The following IL22RA1 variants were observed in gnomAD, a reference collection of about 807,000 sequenced individuals.
IL22RA1 encodes the protein interleukin 22 receptor subunit alpha 1, also known as interleukin-22 receptor subunit alpha-1.
Under a neutral mutation model 32.8 loss-of-function variants are expected in IL22RA1, and 25 were observed. The ratio of observed to expected loss-of-function variants is 0.76; its 90% CI spans 0.55 to 1.06. The LOEUF (loss-of-function observed/expected upper bound fraction) is 1.06, where lower values mean the gene tolerates loss of function less well. Ranked by LOEUF, IL22RA1 falls within the 50% of genes least tolerant of loss-of-function variation. The pLI, the probability that IL22RA1 is intolerant of heterozygous loss-of-function variation, is 0.00. For missense variants in IL22RA1, 709 were observed against 727.4 expected (o/e 0.97, Z 0.29); for synonymous variants, 305 against 305.0 (o/e 1.00, Z 0.00).
chr1:24,138,634 C>T lies in IL22RA1; in HGVS notation c.124G>A (p.Asp42Asn). 1 of 1,614,128 alleles carries T rather than the reference C, an allele frequency of 6.2e-7. No homozygotes were observed. Among genetic ancestry groups the T allele is most frequent in the Non-Finnish European group, 8.5e-7 (1 of 1,180,006 alleles). The change falls in exon 2 of 7, where the codon GAC becomes AAC. Residue 42 changes from aspartate to asparagine, a missense_variant. Coordinates refer to ENST00000270800, the MANE Select transcript of IL22RA1 (RefSeq NM_021258.4). ...SSNFENILTWDSGPEGTPDTV... is the reference protein window; with the variant it reads ...SSNFENILTWNSGPEGTPDTV... ...TCTGGGGTGCCCTCCGGCCCGCTGT[C>T]CCACGTCAGGATGTTTTCAAAGTTG...
rs780847323 is a variant in IL22RA1, at chr1:24,138,605, C to G, written c.153G>C (p.Thr51=). The change falls in exon 2 of 7, where the codon ACG becomes ACC. Residue 51 remains threonine (T), a synonymous_variant. Coordinates refer to ENST00000270800, the MANE Select transcript of IL22RA1 (RefSeq NM_021258.4). The part of the protein sequence containing the change: ...WDSGPEGTPD[T]VYSIEYKTYG... ...ACGTCTTATACTCGATGCTGTAGAC[C>G]GTGTCTGGGGTGCCCTCCGGCCCGC... The G allele has an allele frequency of 6.2e-7, 1 of 1,613,962 alleles. No homozygotes were observed. The highest frequency in any genetic ancestry group is 1.3e-5 in the African/African-American group (1 of 74,886).
intron 4 of IL22RA1, among the ~76,000 whole-genome samples, chr1:24,133,930 TA>T (rs1415001314): frequency 1.3e-5 from 2 of 151,648 alleles, no homozygotes; most frequent in Admixed American, 1.3e-4. Context: ...TAAAAATAAA[TA>T]AATAAAAAAC....
At position 24,138,638 on chromosome 1, in the gene IL22RA1, C is replaced by G; in HGVS notation, c.120G>C (p.Thr40=). Residue 40 remains threonine, a synonymous_variant, in exon 2 of 7, where the codon ACG becomes ACC. Coordinates refer to ENST00000270800, the MANE Select transcript of IL22RA1 (RefSeq NM_021258.4). Reference sequence around the variant, plus strand: ...GGGTGCCCTCCGGCCCGCTGTCCCACGTCAGGATGTTTTCAAAGTTGCTGG... The same window carrying G: ...GGGTGCCCTCCGGCCCGCTGTCCCAGGTCAGGATGTTTTCAAAGTTGCTGG... ...FQSSNFENIL[T]WDSGPEGTPD... is the part of the protein sequence containing the mutation. 2 of 1,614,144 alleles carry G rather than the reference C, an allele frequency of 1.2e-6. No individual in the cohort carries two copies. Among genetic ancestry groups the G allele is most frequent in the Non-Finnish European group, 1.7e-6 (2 of 1,180,014 alleles).
At chr1:24,128,889 G>T (rs1570905043) in intron 4 of IL22RA1, among the ~76,000 whole-genome samples, 1 of 152,026 alleles carries the variant, frequency 6.6e-6, no homozygotes, top group East Asian at 1.9e-4. Context: ...GGCTTTGATG[G>T]CCTCACCCAT....
At position 24,121,699 on chromosome 1, in the gene IL22RA1, G is replaced by A. The variant is rs146882236; in HGVS notation, c.831C>T (p.Phe277=). 1 of 1,569,902 alleles carries A rather than the reference G, an allele frequency of 6.4e-7. No individual in the cohort carries two copies. The highest frequency in any genetic ancestry group is 1.4e-5 in the African/African-American group (1 of 73,780). The change falls in exon 7 of 7, where the codon TTC becomes TTT. Residue 277 remains phenylalanine (F), a synonymous_variant. Transcript: ENST00000270800. ...CAGGGATCAGGACGTGCTCCTGGAT[G>A]AAGCGCAGCGGCTGGAAAGTCAGGA... ...QRVLTFQPLR[F]IQEHVLIPVF... is the part of the protein sequence containing the mutation.
At chr1:24,135,418 C>A (rs188936196) in intron 3 of IL22RA1, among the ~76,000 whole-genome samples, 1 of 152,126 alleles carries the variant, frequency 6.6e-6, no homozygotes, top group African/African-American at 2.4e-5. Flanking sequence ...ACTGAACAAG[C>A]CAGGTTAAAA....
intron 4 of IL22RA1, among the ~76,000 whole-genome samples, chr1:24,130,161 G>T (rs79493738): frequency 2.6e-5 from 4 of 152,188 alleles, no homozygotes; most frequent in Admixed American, 2.6e-4. Flanking sequence ...TTGGAGAGAG[G>T]AGAAATGTCG....
Position 24,137,238 on chromosome 1 carries a change from A to T in IL22RA1, c.248T>A (p.Val83Glu). The part of the protein sequence containing the change: ...RITRKSCNLT[V>E]ETGNLTELYY... Reference sequence around the variant, plus strand: ...GAGCTCCGTGAGGTTGCCCGTCTCCACCGTCAGGTTGCAGGACTTCCGGGT... The same window carrying T: ...GAGCTCCGTGAGGTTGCCCGTCTCCTCCGTCAGGTTGCAGGACTTCCGGGT... The change falls in exon 3 of 7, where the codon GTG (valine) becomes GAG (glutamate). Residue 83 changes from valine (V) to glutamate (E), a missense_variant. Transcript: ENST00000270800. 6.2e-7 allele frequency: 1 copy of T among 1,614,074 alleles called. No individual in the cohort carries two copies. Among genetic ancestry groups the T allele is most frequent in the Non-Finnish European group, 8.5e-7 (1 of 1,180,020 alleles).
chr1:24,137,807 G>T (rs1309824532), intron 2 of IL22RA1, among the ~76,000 whole-genome samples: 3 of 152,134 alleles, frequency 2.0e-5, no homozygotes, highest in Non-Finnish European at 4.4e-5. Flanking sequence ...GTGAGCCACT[G>T]TGCCCAGCCT....
intron 3 of IL22RA1, among the ~76,000 whole-genome samples, chr1:24,135,417 G>T (rs1437653382): frequency 1.3e-5 from 2 of 152,250 alleles, no homozygotes; most frequent in East Asian, 3.9e-4. Flanking sequence ...CACTGAACAA[G>T]CCAGGTTAAA....
At chr1:24,133,330 C>A (rs1440421911) in intron 4 of IL22RA1, among the ~76,000 whole-genome samples, 1 of 152,008 alleles carries the variant, frequency 6.6e-6, no homozygotes, top group Non-Finnish European at 1.5e-5. Flanking sequence ...CCCCACCTCC[C>A]AATACCCATA....
rs1644249082 is a variant in IL22RA1, at chr1:24,137,294, G to A, written c.192C>T (p.Asp64=). 16 of 1,614,004 alleles carry A rather than the reference G, an allele frequency of 9.9e-6. No homozygotes were observed. The highest frequency in any genetic ancestry group is 1.4e-5 in the Non-Finnish European group (16 of 1,179,976). The change falls in exon 3 of 7, where the codon GAC becomes GAT. Residue 64 remains aspartate (D), a synonymous_variant. Transcript: ENST00000270800. The stretch of plus-strand genomic sequence containing the variant: ...GCTGACAGCCCTTCTTTGCCACCCA[G>A]TCCCTCTCTCCGTACCTGCAGGTCA... The part of the protein sequence containing the change: ...SIEYKTYGER[D]WVAKKGCQRI...
At chr1:24,125,621 C>G (rs1644156032) in intron 5 of IL22RA1, among the ~76,000 whole-genome samples, 1 of 152,032 alleles carries the variant, frequency 6.6e-6, no homozygotes. Flanking sequence ...TGGGTAGAGC[C>G]CAGCCTTCAG....
At chr1:24,131,831 A>G (rs1644206803) in intron 4 of IL22RA1, among the ~76,000 whole-genome samples, 1 of 152,188 alleles carries the variant, frequency 6.6e-6, no homozygotes, top group Non-Finnish European at 1.5e-5. Flanking sequence ...TCAGGTGCAC[A>G]AGGAACGTTC....
chr1:24,137,708 A>G (rs1644252226), intron 2 of IL22RA1, among the ~76,000 whole-genome samples: 1 of 151,808 alleles, frequency 6.6e-6, no homozygotes, highest in African/African-American at 2.4e-5. Context: ...TAGAGACAGT[A>G]TGGCCACCCT....
In IL22RA1 at chr1:24,121,423, G is replaced by A. The variant is rs773988913; in HGVS notation, c.1107C>T (p.Thr369=). The A allele has an allele frequency of 4.5e-6, 7 of 1,548,116 alleles. No individual in the cohort carries two copies. The highest frequency in any genetic ancestry group is 6.1e-6 in the Non-Finnish European group (7 of 1,145,536). ...CGTAGAATGGGAATTGAGCTTCGGG[G>A]GTCACCTGAGGTGCATAGGATGGGG... ...VGPPSYAPQV[T]PEAQFPFYAP... The change falls in exon 7 of 7, where the codon ACC becomes ACT. Residue 369 remains threonine, a synonymous_variant. Coordinates refer to ENST00000270800, the MANE Select transcript of IL22RA1 (RefSeq NM_021258.4).
At chr1:24,131,786 C>T (rs917540388) in intron 4 of IL22RA1, among the ~76,000 whole-genome samples, 24 of 152,102 alleles carry the variant, frequency 1.6e-4, no homozygotes, top group African/African-American at 5.8e-4. Flanking sequence ...ATTTATAGCG[C>T]ACTCCACCAA....
chr1:24,121,097 G>A lies in IL22RA1; in HGVS notation c.1433C>T (p.Pro478Leu), dbSNP rs775254539. ...LGICTDRTSDPNVLHSGEEGT... is the reference protein window; with the variant it reads ...LGICTDRTSDLNVLHSGEEGT... ...TTCCTCCCCACTGTGTAGCACATTT[G>A]GGTCAGATGTTCTGTCTGTGCAAAT... Residue 478 changes from proline to leucine, a missense_variant, in exon 7 of 7, where the codon CCA (proline) becomes CTA (leucine). Transcript: ENST00000270800. 6.2e-7 allele frequency: 1 copy of A among 1,614,172 alleles called. No individual in the cohort carries two copies. Among genetic ancestry groups the A allele is most frequent in the South Asian group, 1.1e-5 (1 of 91,080 alleles).
chr1:24,140,416 T>C (rs113855282), intron 1 of IL22RA1, among the ~76,000 whole-genome samples: 2 of 152,226 alleles, frequency 1.3e-5, no homozygotes, highest in South Asian at 2.1e-4. Flanking sequence ...GCTATCTTGT[T>C]CACCCTTTTA....
Sources: allele counts gnomAD v4.1 joint callset (sites outside exome capture counted in the v4.1 genomes callset), GRCh38; gene constraint gnomAD v4.1.1; transcripts MANE v1.5; gene names NCBI Gene and HGNC (gene_info 2026-07-23, HGNC 2026-07-21).